The following TCEA3 variants were observed in gnomAD, a reference collection of about 807,000 sequenced individuals.
The protein encoded by TCEA3 is transcription elongation factor A3.
In TCEA3, 36 loss-of-function variants were observed where a neutral mutation model predicts 44.0. The observed-to-expected ratio is 0.82, with a 90% CI of 0.63 to 1.08. The LOEUF is 1.08. Among genes scored for constraint, TCEA3 ranks in the 50% least tolerant of loss-of-function variants. The pLI is 0.00. For missense variants in TCEA3, 392 were observed against 441.2 expected (o/e 0.89, Z 1.00); for synonymous variants, 162 against 159.7 (o/e 1.01, Z -0.11).
At chr1:23,416,203 T>G in intron 4 of TCEA3, among the ~76,000 whole-genome samples, 1 of 151,746 alleles carries the variant, frequency 6.6e-6, no homozygotes, top group East Asian at 1.9e-4. Context: ...ATGGGATTTC[T>G]CCATGTTGGT....
intron 9 of TCEA3, 86 bp from the exon 10 acceptor site, chr1:23,384,503 A>T: frequency 7.1e-7 from 1 of 1,415,272 alleles, no homozygotes; most frequent in Non-Finnish European, 9.7e-7. Context: ...GTAGGTCCAA[A>T]TCCCAGAGGT....
At chr1:23,416,540 G>T (rs1324694157) in intron 4 of TCEA3, among the ~76,000 whole-genome samples, 1 of 151,998 alleles carries the variant, frequency 6.6e-6, no homozygotes, top group Non-Finnish European at 1.5e-5. Context: ...TGCTCAGGCT[G>T]GAGTGCAGTG....
chr1:23,401,400 C>A (rs1450947900), intron 5 of TCEA3, among the ~76,000 whole-genome samples: 5 of 152,064 alleles, frequency 3.3e-5, no homozygotes, highest in African/African-American at 1.2e-4. Context: ...ATTAATCTAG[C>A]CTTAATTCTA....
intron 1 of TCEA3, among the ~76,000 whole-genome samples, chr1:23,422,585 G>C (rs1640096256): frequency 6.6e-6 from 1 of 152,072 alleles, no homozygotes; most frequent in Non-Finnish European, 1.5e-5. Flanking sequence ...CACTCCCAGA[G>C]CAGGCCCCAC....
At chr1:23,399,144 GTA>G (rs60424866) in intron 5 of TCEA3, among the ~76,000 whole-genome samples, 829 of 61,120 alleles carry the variant, frequency 0.014, 18 homozygotes, top group South Asian at 0.026. Flanking sequence ...ATGTATATAT[GTA>G]TATATATATA....
intron 3 of TCEA3, among the ~76,000 whole-genome samples, 178 bp downstream of exon 3, chr1:23,417,726 C>CA (rs1197484933): frequency 6.6e-6 from 1 of 152,238 alleles, no homozygotes; most frequent in African/African-American, 2.4e-5. Context: ...ACAAATCTTG[C>CA]ACTTGTGTAC....
In TCEA3 at chr1:23,393,901, A is replaced by G. The variant is rs771802461; in HGVS notation, c.797T>C (p.Leu266Pro). ...CACCTCTGCCGTCATCTTGGCTATA[A>G]GCCCTGCGGAGATGGCCCCACTGAG... Reference protein sequence around the residue: ...NVLSGAISAGLIAKMTAEEMA... With the variant: ...NVLSGAISAGPIAKMTAEEMA... Residue 266 changes from leucine (L) to proline (P), a missense_variant, in exon 8 of 11, where the codon CTT (leucine) becomes CCT (proline). Leu to Pro is a moderately conservative substitution (Grantham distance 98). Transcript: ENST00000450454. 11 of 1,613,624 alleles carry G rather than the reference A, an allele frequency of 6.8e-6. No individual in the cohort carries two copies.
chr1:23,419,478 G>A (rs549907043), intron 1 of TCEA3: 8 of 219,204 alleles, frequency 3.6e-5, no homozygotes, highest in East Asian at 1.9e-4. Context: ...TGCCTGTAGC[G>A]TCCTTCCCTT....
chr1:23,386,933 G>A (rs918741850), intron 9 of TCEA3, among the ~76,000 whole-genome samples: 2 of 151,978 alleles, frequency 1.3e-5, no homozygotes, highest in African/African-American at 4.8e-5. Flanking sequence ...TGTTTGCCAG[G>A]ATGGTCTCAA....
rs60424866 is a variant in TCEA3 at position 23,399,144 on chromosome 1, GTATATATATA to G, written c.444-1199_444-1190del. ...GTTTTGTTTATATATATGTATATAT[GTATATATATA>G]TATATATATATATATATATATATAT... On this transcript the variant is annotated intron_variant, in intron 5 of 10. Coordinates refer to ENST00000450454, the MANE Select transcript of TCEA3 (RefSeq NM_003196.3). 9.0e-4 allele frequency among the ~76,000 whole-genome samples: 55 copies of G among 61,144 alleles called. 1 individual carries two copies. The highest frequency in any genetic ancestry group is 3.9e-3 in the South Asian group (7 of 1,782). 40.1% of individuals were successfully genotyped at this position (61,144 alleles called of 152,430 possible). A position where few individuals can be genotyped will look rare whatever the true frequency, so the allele number is the denominator to read the frequency against.
Position 23,384,334 on chromosome 1 carries a change from A to G in TCEA3, c.1038+12T>C, listed in dbSNP as rs1423094271. The G allele has an allele frequency of 6.2e-7, 1 of 1,613,918 alleles. No individual in the cohort carries two copies. The highest frequency in any genetic ancestry group is 2.2e-5 in the East Asian group (1 of 44,884). ...GATAACAGGGAAGGGGGAAATACATAAACATACAGACCTTCCAGCGATTGC... is the reference window on the plus strand; with the variant it reads ...GATAACAGGGAAGGGGGAAATACATGAACATACAGACCTTCCAGCGATTGC... On this transcript the variant is annotated intron_variant, in intron 10 of 10. Transcript: ENST00000450454.
In TCEA3 at chr1:23,415,115, C is replaced by G. The variant is rs570141558; in HGVS notation, c.380+2134G>C. 3.4e-5 allele frequency among the ~76,000 whole-genome samples: 5 copies of G among 148,646 alleles called. No individual in the cohort carries two copies. The South Asian group carries it at 6.4e-4, about 19-fold the overall frequency. ...CTCAGCTCACTGCAACCTCTGCTCCCGGGTTCAAGTGATTCTCCCGCCTCA... is the reference window on the plus strand; with the variant it reads ...CTCAGCTCACTGCAACCTCTGCTCCGGGGTTCAAGTGATTCTCCCGCCTCA... On this transcript the variant is annotated intron_variant, in intron 4 of 10. Transcript: ENST00000450454.
At chr1:23,393,560 T>C (rs1298156006) in intron 8 of TCEA3, among the ~76,000 whole-genome samples, 1 of 152,226 alleles carries the variant, frequency 6.6e-6, no homozygotes, top group Non-Finnish European at 1.5e-5. Context: ...TCTTTCTAGC[T>C]GTGTGCATGG....
At chr1:23,406,359 A>G (rs1370941455) in intron 5 of TCEA3, among the ~76,000 whole-genome samples, 2 of 151,860 alleles carry the variant, frequency 1.3e-5, no homozygotes, top group African/African-American at 2.4e-5. Context: ...TCTCACACCT[A>G]CTCTCCCAGA....
At chr1:23,409,143 C>T (rs538944983) in intron 4 of TCEA3, among the ~76,000 whole-genome samples, 1 of 152,210 alleles carries the variant, frequency 6.6e-6, no homozygotes, top group South Asian at 2.1e-4. Flanking sequence ...CTTCAGCCTC[C>T]CCGGCAGGCA....
chr1:23,421,117 TG>T (rs1241004223), intron 1 of TCEA3, among the ~76,000 whole-genome samples: 1 of 152,180 alleles, frequency 6.6e-6, no homozygotes, highest in East Asian at 1.9e-4. Flanking sequence ...TATGTGAACT[TG>T]GGGGTACACA....
chr1:23,406,638 T>TTGTTG (rs1001834329), intron 5 of TCEA3, among the ~76,000 whole-genome samples: 1 of 152,138 alleles, frequency 6.6e-6, no homozygotes, highest in Non-Finnish European at 1.5e-5. Context: ...TTGTTTTGTT[T>TTGTTG]TGTTGTGTTG....
intron 4 of TCEA3, 89 bp from the exon 5 acceptor site, chr1:23,408,815 C>T: frequency 1.5e-6 from 2 of 1,330,906 alleles, no homozygotes; most frequent in Non-Finnish European, 1.0e-6. Context: ...TGGGAAAAGG[C>T]CAGCTGGCTT....
intron 1 of TCEA3, among the ~76,000 whole-genome samples, chr1:23,421,352 T>C (rs1332515560): frequency 6.6e-6 from 1 of 152,202 alleles, no homozygotes. Context: ...AGGAGCCAAG[T>C]TGGGATTCAA....
Sources: gnomAD v4.1 joint callset for allele counts (sites outside exome capture counted in the v4.1 genomes callset) on GRCh38, gnomAD v4.1.1 for gene constraint, MANE v1.5 for transcripts, NCBI Gene and HGNC (gene_info 2026-07-23, HGNC 2026-07-21) for gene names.